Variants in PDE4D observed in about 807,000 individuals in gnomAD.
PDE4D encodes phosphodiesterase 4D, also known as 3',5'-cyclic-AMP phosphodiesterase 4D.
In PDE4D, 24 loss-of-function variants were observed where a neutral mutation model predicts 87.4. The ratio of observed to expected loss-of-function variants is 0.27; its 90% CI spans 0.20 to 0.39. The LOEUF (loss-of-function observed/expected upper bound fraction) is 0.39, where lower values mean the gene tolerates loss of function less well. PDE4D is among the 10% of genes least tolerant of loss of function. The pLI is 1.00. For missense variants in PDE4D, 714 were observed against 1,041.0 expected (o/e 0.69, Z 4.32); for synonymous variants, 384 against 383.2 (o/e 1.00, Z -0.02).
intron 1 of PDE4D, among the ~76,000 whole-genome samples, chr5:59,840,159 A>C (rs574417467): frequency 6.6e-6 from 1 of 151,438 alleles, no homozygotes; most frequent in East Asian, 2.0e-4. Context: ...ATGCTAGTTA[A>C]TTATCCCCAT....
intron 5 of PDE4D, among the ~76,000 whole-genome samples, chr5:59,062,105 C>A (rs745434903): frequency 3.3e-5 from 5 of 152,056 alleles, no homozygotes; most frequent in African/African-American, 1.2e-4. Context: ...TCTTTCAAAA[C>A]CTGGAATCGG....
At chr5:60,307,133 G>A (rs1331019019) in intron 1 of PDE4D, among the ~76,000 whole-genome samples, 1 of 151,744 alleles carries the variant, frequency 6.6e-6, no homozygotes, top group Non-Finnish European at 1.5e-5. Flanking sequence ...TATAAATAAA[G>A]TTCAGGAATA....
chr5:59,987,501 G>A (rs548949018), intron 3 of PDE4D: 1 of 152,114 alleles, frequency 6.6e-6, no homozygotes, highest in South Asian at 2.1e-4. Context: ...GCTAAATTCA[G>A]TATCTTTGAG....
At chr5:59,716,605 A>ACT (rs1755069299) in intron 1 of PDE4D, among the ~76,000 whole-genome samples, 1 of 152,092 alleles carries the variant, frequency 6.6e-6, no homozygotes, top group Non-Finnish European at 1.5e-5. Context: ...CCTCAAAGAA[A>ACT]CTCTCCAAAT....
intron 1 of PDE4D, among the ~76,000 whole-genome samples, chr5:60,435,546 C>A (rs1744690764): frequency 6.6e-6 from 1 of 151,960 alleles, no homozygotes; most frequent in Admixed American, 6.6e-5. Flanking sequence ...GCTTAGAAGT[C>A]TATGGAGCAT....
chr5:59,615,198 T>C (rs1829512503), intron 1 of PDE4D, among the ~76,000 whole-genome samples: 1 of 152,164 alleles, frequency 6.6e-6, no homozygotes. Flanking sequence ...TTAATATATA[T>C]ATACATATGT....
At chr5:60,097,062 T>G (rs1775749140) in intron 2 of PDE4D, among the ~76,000 whole-genome samples, 1 of 152,064 alleles carries the variant, frequency 6.6e-6, no homozygotes, top group Non-Finnish European at 1.5e-5. Flanking sequence ...TGATATTCAT[T>G]TCAACTAAAT....
intron 5 of PDE4D, among the ~76,000 whole-genome samples, chr5:59,163,570 C>T (rs532583696): frequency 6.6e-5 from 10 of 152,298 alleles, no homozygotes; most frequent in South Asian, 2.1e-4. Context: ...CGCTCCTGGT[C>T]CTTAAATGAA....
chr5:59,893,356 C>T lies in PDE4D; in HGVS notation c.267G>A (p.Gly89=). 1 of 1,278,372 alleles carries T rather than the reference C, an allele frequency of 7.8e-7. No homozygotes were observed. Among genetic ancestry groups the T allele is most frequent in the Non-Finnish European group, 9.9e-7 (1 of 1,013,034 alleles). 79.2% of individuals were successfully genotyped at this position (1,278,372 alleles called of 1,614,324 possible). The part of the protein sequence containing the change: ...PPLPPPPPPP[G]AARGRYASSG... ...TCGAGGCGTAGCGGCCGCGGGCAGCCCCGGGCGGCGGCGGGGGCGGCGGCA... is the reference window on the plus strand; with the variant it reads ...TCGAGGCGTAGCGGCCGCGGGCAGCTCCGGGCGGCGGCGGGGGCGGCGGCA... Residue 89 remains glycine, a synonymous_variant, in exon 1 of 15, where the codon GGG becomes GGA. Coordinates refer to ENST00000340635, the MANE Select transcript of PDE4D (RefSeq NM_001104631.2).
chr5:59,771,499 G>GAAGAAAGAAAGAAAGAAAGAAAGAAAGA (rs779235734), intron 1 of PDE4D, among the ~76,000 whole-genome samples: 5 of 19,728 alleles, frequency 2.5e-4, no homozygotes, highest in South Asian at 2.3e-3. Flanking sequence ...GAGAGAGAGA[G>GAAGAAAGAAAGAAAGAAAGAAAGAAAGA]AAGAAAGAAA....
intron 5 of PDE4D, among the ~76,000 whole-genome samples, chr5:59,131,007 T>C (rs2153450804): frequency 6.6e-6 from 1 of 152,326 alleles, no homozygotes; most frequent in Middle Eastern, 3.4e-3. Context: ...CAGGCAGGGC[T>C]GTTAGCCTGA....
chr5:60,076,227 C>T (rs1203945456), intron 2 of PDE4D, among the ~76,000 whole-genome samples: 8 of 151,776 alleles, frequency 5.3e-5, no homozygotes, highest in African/African-American at 1.5e-4. Flanking sequence ...GGTGCAGTCT[C>T]GGCTCACTGC....
intron 1 of PDE4D, among the ~76,000 whole-genome samples, chr5:60,250,644 T>C (rs1321587425): frequency 6.6e-6 from 1 of 151,908 alleles, no homozygotes; most frequent in African/African-American, 2.4e-5. Context: ...AATGTTGGCA[T>C]AAAAAACCTA....
chr5:60,389,994 G>A (rs901463647), intron 1 of PDE4D, among the ~76,000 whole-genome samples: 5 of 152,078 alleles, frequency 3.3e-5, no homozygotes, highest in East Asian at 3.9e-4. Flanking sequence ...ATTCTCTCTC[G>A]CTCTCATAGA....
chr5:59,035,930 G>T (rs1209195426), intron 6 of PDE4D, among the ~76,000 whole-genome samples: 1 of 152,124 alleles, frequency 6.6e-6, no homozygotes, highest in African/African-American at 2.4e-5. Flanking sequence ...CTTGGTACAA[G>T]CATCCTACAT....
intron 1 of PDE4D, among the ~76,000 whole-genome samples, chr5:59,563,115 TG>T (rs982727665): frequency 1.6e-4 from 24 of 152,212 alleles, no homozygotes; most frequent in African/African-American, 5.8e-4. Flanking sequence ...AGGGCCCCTC[TG>T]GGCATTGCCA....
intron 1 of PDE4D, among the ~76,000 whole-genome samples, chr5:59,698,017 A>G (rs903087089): frequency 6.6e-6 from 1 of 152,210 alleles, no homozygotes; most frequent in African/African-American, 2.4e-5. Context: ...CAAGCAGTTT[A>G]GTCTAGTGAA....
chr5:59,746,670 C>G (rs1225070020), intron 1 of PDE4D, among the ~76,000 whole-genome samples: 1 of 152,108 alleles, frequency 6.6e-6, no homozygotes, highest in Non-Finnish European at 1.5e-5. Context: ...AGCGTTCAGT[C>G]TGTCATCAGC....
At position 59,836,049 on chromosome 5, in the gene PDE4D, G is replaced by A. The variant is rs533612783; in HGVS notation, c.455+57119C>T. 3.9e-5 allele frequency among the ~76,000 whole-genome samples: 6 copies of A among 152,090 alleles called. No individual in the cohort carries two copies. The South Asian group carries it at 8.3e-4, about 21-fold the overall frequency. On this transcript the variant is annotated intron_variant, in intron 1 of 14. Transcript: ENST00000340635. ...ATGCTAAAATAAAATAAATAGGAGG[G>A]AGGAAGAATAACATCTATTGAGGCT...
Sources: gnomAD v4.1 joint callset for allele counts (sites outside exome capture counted in the v4.1 genomes callset) on GRCh38, gnomAD v4.1.1 for gene constraint, MANE v1.5 for transcripts, NCBI Gene and HGNC (gene_info 2026-07-23, HGNC 2026-07-21) for gene names.